ROBO4: variants seen among roughly 807,000 people sequenced by gnomAD.
ROBO4 encodes the protein roundabout homolog 4.
Under a neutral mutation model 103.3 loss-of-function variants are expected in ROBO4, and 80 were observed. The ratio of observed to expected loss-of-function variants is 0.77; its 90% CI spans 0.65 to 0.93. ROBO4 has a LOEUF of 0.93. ROBO4 is among the 40% of genes least tolerant of loss of function. The pLI, the probability that ROBO4 is intolerant of heterozygous loss-of-function variation, is 0.00. For synonymous variants in ROBO4, 504 were observed against 529.7 expected (o/e 0.95, Z 0.67); for missense variants, 1,333 against 1,305.3 (o/e 1.02, Z -0.33).
chr11:124,893,914 C>T lies in ROBO4; in HGVS notation c.1450G>A (p.Gly484Ser). 6.2e-7 allele frequency: 1 copy of T among 1,612,006 alleles called. No homozygotes were observed. The highest frequency in any genetic ancestry group is 1.1e-5 in the South Asian group (1 of 90,838). The change falls in exon 9 of 18, where the codon GGC becomes AGC. Residue 484 changes from glycine to serine, a missense_variant. Transcript: ENST00000306534. ...CGGCGGTGGATACACACGGCGGTGC[C>T]CAGAAGCAGCAGCCAGAGTGCAACA... ...CGVALWLLLL[G>S]TAVCIHRRRR...
Position 124,896,531 on chromosome 11 carries a change from G to A in ROBO4, c.540C>T (p.Leu180=), listed in dbSNP as rs1299441212. ...SWWKDGKPLA[L]QPGRHTVSGG... is the part of the protein sequence containing the mutation. ...CACTTACTGTGTGCCTTCCGGGCTG[G>A]AGGGCCAGGGGTTTCCCATCTTTCC... The change falls in exon 3 of 18, where the codon CTC becomes CTT. Residue 180 remains leucine (L), a synonymous_variant. Coordinates refer to ENST00000306534, the MANE Select transcript of ROBO4 (RefSeq NM_019055.6). 2 of 1,614,116 alleles carry A rather than the reference G, an allele frequency of 1.2e-6. No individual in the cohort carries two copies. The highest frequency in any genetic ancestry group is 2.2e-5 in the East Asian group (1 of 44,870).
rs749786442 is a variant in ROBO4, at chr11:124,896,991, C to T, written c.341G>A (p.Cys114Tyr). The T allele has an allele frequency of 1.2e-5, 19 of 1,613,960 alleles. No homozygotes were observed. Among genetic ancestry groups the T allele is most frequent in the Admixed American group, 1.7e-5 (1 of 60,008 alleles). Reference protein sequence around the residue: ...ALSTDLGVYTCEASNRLGTAV... With the variant: ...ALSTDLGVYTYEASNRLGTAV... ...CGTGCCAAGCCGGTTGCTGGCCTCA[C>T]ATGTGTAGACACCCAGGTCTGTGGA... Residue 114 changes from cysteine (C) to tyrosine (Y), a missense_variant, in exon 2 of 18, where the codon TGT becomes TAT. By Grantham distance (194) the Cys-to-Tyr change is radical. Coordinates refer to ENST00000306534, the MANE Select transcript of ROBO4 (RefSeq NM_019055.6).
At chr11:124,897,444 C>G in intron 1 of ROBO4, 183 bp from the exon 2 acceptor site, 1 of 583,654 alleles carries the variant, frequency 1.7e-6, no homozygotes, top group Admixed American at 3.1e-5. Flanking sequence ...GCACAGCATC[C>G]AGGCCAGGGC....
chr11:124,893,285 G>A (rs1356236396), intron 10 of ROBO4, among the ~76,000 whole-genome samples: 1 of 152,216 alleles, frequency 6.6e-6, no homozygotes, highest in Non-Finnish European at 1.5e-5. Context: ...GGAGCTGCGG[G>A]TGGACTATGA....
At chr11:124,891,628 C>G in intron 11 of ROBO4, 38 bp downstream of exon 11, 1 of 1,614,182 alleles carries the variant, frequency 6.2e-7, no homozygotes. Flanking sequence ...GAGATCACTG[C>G]CCCCAGCTAG....
Position 124,895,464 on chromosome 11 carries a change from C to T in ROBO4, c.1029G>A (p.Pro343=), listed in dbSNP as rs537335167. 2.5e-5 allele frequency: 41 copies of T among 1,609,180 alleles called. No individual in the cohort carries two copies. Among genetic ancestry groups the T allele is most frequent in the Middle Eastern group, 1.6e-4 (1 of 6,062 alleles). The change falls in exon 6 of 18, where the codon CCG becomes CCA. Residue 343 remains proline (P), a synonymous_variant. Coordinates refer to ENST00000306534, the MANE Select transcript of ROBO4 (RefSeq NM_019055.6). The part of the protein sequence containing the change: ...PDSNVLLLRL[P]EKVPSAPPQE... ...AAGGGATCAGGCCCTGACCTTTTTC[C>T]GGCAGCCTCAGGAGCAGCACGTTGC...
rs958018088 is a variant in ROBO4, at chr11:124,887,271, C to A, written c.2199-58G>T. ...TTACTACAGCTCTTCAAGTCCTTTC[C>A]CCCCTTCCCCAGCCTGTCCAATCCC... On this transcript the variant is annotated intron_variant, in intron 14 of 17. Transcript: ENST00000306534. 3.1e-6 allele frequency: 5 copies of A among 1,597,536 alleles called. No homozygotes were observed. In the Admixed American group the frequency reaches 8.5e-5, roughly 27 times the overall value.
chr11:124,897,305 AC>A, intron 1 of ROBO4, 44 bp from the exon 2 acceptor site: 2 of 1,344,176 alleles, frequency 1.5e-6, no homozygotes, highest in South Asian at 1.6e-5. Context: ...CACCAGCAAC[AC>A]CCCAAATTCC....
chr11:124,894,294 C>T lies in ROBO4; in HGVS notation c.1225G>A (p.Ala409Thr), dbSNP rs372037630. ...CAGTAGGAGCCTGGCATATGGGTGG[C>T]GATTTCCAGCTGGGTCTGCTCACCA... is the stretch of plus-strand genomic sequence containing the variant. ...VVGEQTQLEI[A>T]THMPGSYCVQ... The change falls in exon 8 of 18, where the codon GCC (alanine) becomes ACC (threonine). Residue 409 changes from alanine (A) to threonine (T), a missense_variant. By Grantham distance (58) the Ala-to-Thr change is moderately conservative. Transcript: ENST00000306534. The T allele has an allele frequency of 3.1e-5, 50 of 1,614,070 alleles. No individual in the cohort carries two copies. The highest frequency in any genetic ancestry group is 1.6e-4 in the Middle Eastern group (1 of 6,062).
intron 12 of ROBO4, 76 bp from the exon 13 acceptor site, chr11:124,887,916 C>T (rs1946743196): frequency 7.9e-7 from 1 of 1,258,282 alleles, no homozygotes; most frequent in South Asian, 1.3e-5. Flanking sequence ...TATCTTCAGC[C>T]TTATTCAATT....
At chr11:124,895,755 C>T (rs376851054) in intron 5 of ROBO4, 30 bp downstream of exon 5, 54 of 1,613,624 alleles carry the variant, frequency 3.3e-5, no homozygotes, top group East Asian at 2.5e-4. Context: ...AGCTCTGGAT[C>T]GGCTTTTACC....
chr11:124,885,315 A>G, intron 16 of ROBO4, 68 bp from the exon 17 acceptor site: 5 of 1,353,878 alleles, frequency 3.7e-6, no homozygotes, highest in Non-Finnish European at 5.2e-6. Context: ...TTTAGTACAG[A>G]AAGCTTAGGA....
At chr11:124,894,986 C>A (rs982457940) in intron 7 of ROBO4, 95 bp downstream of exon 7, 14 of 960,068 alleles carry the variant, frequency 1.5e-5, no homozygotes, top group Non-Finnish European at 2.1e-5. Flanking sequence ...TGCCCAGGTA[C>A]CTTTCTCAGT....
intron 16 of ROBO4, 47 bp from the exon 17 acceptor site, chr11:124,885,294 C>T (rs778116460): frequency 1.3e-6 from 2 of 1,530,628 alleles, no homozygotes; most frequent in South Asian, 2.2e-5. Flanking sequence ...CCTTCAGCCC[C>T]TAGGGGCCAG....
intron 8 of ROBO4, 47 bp from the exon 9 acceptor site, chr11:124,894,092 G>A (rs1484050166): frequency 4.5e-6 from 7 of 1,544,364 alleles, no homozygotes; most frequent in Non-Finnish European, 6.1e-6. Flanking sequence ...GAGGCATTGA[G>A]GGCCTGGCAG....
chr11:124,886,972 C>T lies in ROBO4; in HGVS notation c.2435+5G>A, dbSNP rs1946724041. On this transcript the variant is annotated splice_donor_5th_base_variant and intron_variant, in intron 15 of 17. Transcript: ENST00000306534. Reference sequence around the variant, plus strand: ...AGTTCTTTGGTTATCTCTCAAGCTACTCACCTGGGAGTCTCCTCACCCTCA... The same window carrying T: ...AGTTCTTTGGTTATCTCTCAAGCTATTCACCTGGGAGTCTCCTCACCCTCA... 1.9e-6 allele frequency: 3 copies of T among 1,599,950 alleles called. No homozygotes were observed. The highest frequency in any genetic ancestry group is 2.2e-5 in the South Asian group (2 of 90,410).
In ROBO4 at chr11:124,886,969, C is replaced by G. The variant is rs1209117190; in HGVS notation, c.2435+8G>C. The stretch of plus-strand genomic sequence containing the variant: ...TGTAGTTCTTTGGTTATCTCTCAAG[C>G]TACTCACCTGGGAGTCTCCTCACCC... On this transcript the variant is annotated splice_region_variant and intron_variant, in intron 15 of 17. Transcript: ENST00000306534. The G allele has an allele frequency of 6.3e-7, 1 of 1,599,076 alleles. No homozygotes were observed. The highest frequency in any genetic ancestry group is 1.7e-5 in the Admixed American group (1 of 58,864).
At position 124,894,615 on chromosome 11, in the gene ROBO4, G is replaced by A. The variant is rs375713800; in HGVS notation, c.1150-246C>T. On this transcript the variant is annotated intron_variant, in intron 7 of 17. Transcript: ENST00000306534. ...AACATAGCAATTCTCAAACAACAGC[G>A]TGCTTCCAAGTCACCAGGGGGGCCT... Among the ~76,000 whole-genome samples, 56 of 152,330 alleles carry A rather than the reference G, an allele frequency of 3.7e-4. No homozygotes were observed. In the Middle Eastern group the frequency reaches 0.01, roughly 28 times the overall value.
At chr11:124,885,278 G>A (rs1294541497) in intron 16 of ROBO4, 31 bp from the exon 17 acceptor site, 3 of 1,586,292 alleles carry the variant, frequency 1.9e-6, no homozygotes, top group Admixed American at 3.3e-5. Context: ...GTCTGTGGGA[G>A]GTTGACCTTC....
Sources: gnomAD v4.1 joint callset for allele counts (sites outside exome capture counted in the v4.1 genomes callset) on GRCh38, gnomAD v4.1.1 for gene constraint, MANE v1.5 for transcripts, NCBI Gene and HGNC (gene_info 2026-07-23, HGNC 2026-07-21) for gene names.